Variants in TDRD1 observed in about 807,000 individuals in gnomAD.
The protein encoded by TDRD1 is tudor domain containing 1, also known as tudor domain-containing protein 1.
In TDRD1, 37 loss-of-function variants were observed where a neutral mutation model predicts 140.6. That is an observed-to-expected ratio of 0.26 (90% CI 0.20 to 0.35). TDRD1 has a LOEUF of 0.35. Among genes scored for constraint, TDRD1 ranks in the 10% least tolerant of loss-of-function variants. TDRD1 has a pLI of 1.00. For synonymous variants in TDRD1, 506 were observed against 475.7 expected (o/e 1.06, Z -0.83); for missense variants, 1,243 against 1,393.0 (o/e 0.89, Z 1.71).
At chr10:114,192,788 A>G (rs2034079012) in intron 3 of TDRD1, among the ~76,000 whole-genome samples, 1 of 152,022 alleles carries the variant, frequency 6.6e-6, no homozygotes, top group African/African-American at 2.4e-5. Context: ...TAAGTTACTT[A>G]TTTTCTGTAG....
chr10:114,202,383 T>C, intron 6 of TDRD1, 85 bp downstream of exon 6: 1 of 951,502 alleles, frequency 1.1e-6, no homozygotes, highest in Non-Finnish European at 1.5e-6. Context: ...CTTATTTCTG[T>C]ATTTTATCAA....
chr10:114,222,144 G>A lies in TDRD1; in HGVS notation c.2891-443G>A, dbSNP rs7898765. On this transcript the variant is annotated intron_variant, in intron 20 of 25. Coordinates refer to ENST00000251864, the Ensembl canonical transcript of TDRD1. ...AAATTTATCTCTAATACTACAAAAGGATCTTTATTCTGTGTACTAAAAAGC... is the reference window on the plus strand; with the variant it reads ...AAATTTATCTCTAATACTACAAAAGAATCTTTATTCTGTGTACTAAAAAGC... Among the ~76,000 whole-genome samples the A allele has an allele frequency of 4.5e-3, 683 of 152,250 alleles. 5 individuals are homozygous for A. The highest frequency in any genetic ancestry group is 0.015 in the African/African-American group (644 of 41,554).
At chr10:114,181,366 C>A (rs1188253765) in intron 1 of TDRD1, among the ~76,000 whole-genome samples, 1 of 152,074 alleles carries the variant, frequency 6.6e-6, no homozygotes, top group Admixed American at 6.6e-5. Flanking sequence ...TGAGGTTAGC[C>A]GATGTGGCTT....
intron 25 of TDRD1, among the ~76,000 whole-genome samples, chr10:114,230,033 G>A (rs1039952365): frequency 1.5e-4 from 23 of 151,968 alleles, no homozygotes; most frequent in Middle Eastern, 3.4e-3. Flanking sequence ...GGGTTTCACC[G>A]TGTTAGCCAG....
chr10:114,196,833 C>CTTTTTTTTTTTTTTTTT (rs36124319), intron 3 of TDRD1, among the ~76,000 whole-genome samples: 5 of 48,352 alleles, frequency 1.0e-4, no homozygotes, highest in African/African-American at 1.9e-4. Context: ...TTCTAGCAGT[C>CTTTTTTTTTTTTTTTTT]TTTTTTTTTT....
chr10:114,214,499 T>G (rs2035684055), intron 16 of TDRD1, among the ~76,000 whole-genome samples: 1 of 152,146 alleles, frequency 6.6e-6, no homozygotes, highest in Non-Finnish European at 1.5e-5. Context: ...TACTCCAGCC[T>G]GGGCAGCAGA....
chr10:114,215,051 T>G (rs185061252), intron 16 of TDRD1, among the ~76,000 whole-genome samples: 2 of 152,250 alleles, frequency 1.3e-5, no homozygotes, highest in East Asian at 3.9e-4. Flanking sequence ...CTGCCACCTC[T>G]CTCTTTCAAA....
intron 13 of TDRD1, 104 bp from the exon 14 acceptor site, chr10:114,211,762 T>C: frequency 8.4e-7 from 1 of 1,191,512 alleles, no homozygotes; most frequent in South Asian, 2.2e-5. Context: ...TGATATCTAT[T>C]AAAGAAAAAT....
exon 2 of TDRD1, chr10:114,188,130 A>G (rs2120170576): frequency 1.9e-6 from 3 of 1,586,652 alleles, no homozygotes; most frequent in East Asian, 2.2e-5. Flanking sequence ...GTTGGCTCCA[A>G]AGGAGACAGG....
At chr10:114,180,533 C>A (rs2032962906) in intron 1 of TDRD1, among the ~76,000 whole-genome samples, 2 of 151,992 alleles carry the variant, frequency 1.3e-5, no homozygotes. Flanking sequence ...TGGCGCGATC[C>A]CAGCTCACTG....
At chr10:114,211,090 A>G in intron 13 of TDRD1, 123 bp downstream of exon 13, 2 of 720,734 alleles carry the variant, frequency 2.8e-6, no homozygotes, top group Admixed American at 5.8e-5. Context: ...AAGCTTGAAT[A>G]TTAGAGTGAA....
intron 25 of TDRD1, among the ~76,000 whole-genome samples, chr10:114,230,018 A>G (rs2036668365): frequency 6.6e-6 from 1 of 151,916 alleles, no homozygotes; most frequent in African/African-American, 2.4e-5. Flanking sequence ...TTTTTAGTAG[A>G]GACAGGGTTT....
exon 7 of TDRD1, chr10:114,203,164 C>T (rs751934088): frequency 1.2e-6 from 2 of 1,610,578 alleles, no homozygotes; most frequent in Non-Finnish European, 8.5e-7. Flanking sequence ...TCAAGAAAAC[C>T]ATGGAAATAA....
exon 19 of TDRD1, chr10:114,220,624 T>G: frequency 6.2e-7 from 1 of 1,613,336 alleles, no homozygotes; most frequent in South Asian, 1.1e-5. Context: ...ATTCCAGATG[T>G]GTGTTGCTGG....
intron 3 of TDRD1, among the ~76,000 whole-genome samples, chr10:114,195,637 A>G (rs1589670038): frequency 6.6e-6 from 1 of 152,190 alleles, no homozygotes; most frequent in African/African-American, 2.4e-5. Context: ...TAACATTTAC[A>G]TATTTTTCCA....
rs138173666 is a variant in TDRD1 at position 114,204,116 on chromosome 10, A to G, written c.1025A>G (p.Lys342Arg). Reference sequence around the variant, plus strand: ...ATACAAAACGTTGATGTGCAGCAAAAGAAGGCACATGTCTTATATATTGAT... The same window carrying G: ...ATACAAAACGTTGATGTGCAGCAAAGGAAGGCACATGTCTTATATATTGAT... The change falls in exon 9 of 26, where the codon AAG becomes AGG. Residue 342 changes from lysine (K) to arginine (R), a missense_variant. Coordinates refer to ENST00000251864, the Ensembl canonical transcript of TDRD1. 47 of 1,606,564 alleles carry G rather than the reference A, an allele frequency of 2.9e-5. No homozygotes were observed. The African/African-American group carries it at 6.0e-4, about 21-fold the overall frequency.
intron 2 of TDRD1, among the ~76,000 whole-genome samples, chr10:114,188,377 TTTTTCC>T (rs2033700423): frequency 3.3e-5 from 5 of 152,156 alleles, no homozygotes; most frequent in Admixed American, 3.3e-4. Flanking sequence ...GAGAATGAGC[TTTTTCC>T]CCACAGAGGA....
chr10:114,208,773 T>C (rs1418272142), intron 11 of TDRD1, among the ~76,000 whole-genome samples: 1 of 148,056 alleles, frequency 6.8e-6, no homozygotes, highest in African/African-American at 2.5e-5. Context: ...ATGTTTAAGA[T>C]ACAATTTTTT....
rs2035446407 is a variant in TDRD1, at chr10:114,210,974, A to G, written c.1660+7A>G. 6.3e-7 allele frequency: 1 copy of G among 1,578,478 alleles called. No homozygotes were observed. On this transcript the variant is annotated splice_region_variant and intron_variant, in intron 13 of 25. Coordinates refer to ENST00000251864, the Ensembl canonical transcript of TDRD1. ...TGTTGTGCTCAGTTCTCAGGTAAGG[A>G]CAGAGTATTACTGATTTTTAAAATT... is the stretch of plus-strand genomic sequence containing the variant.
Sources: allele counts gnomAD v4.1 joint callset (sites outside exome capture counted in the v4.1 genomes callset), GRCh38; gene constraint gnomAD v4.1.1; transcripts MANE v1.5; gene names NCBI Gene and HGNC (gene_info 2026-07-23, HGNC 2026-07-21).